RPS23: variants seen among roughly 807,000 people sequenced by gnomAD.
The protein encoded by RPS23 is ribosomal protein S23.
For missense variants in RPS23, 73 were observed against 174.5 expected (o/e 0.42, Z 3.28); for synonymous variants, 66 against 60.4 (o/e 1.09, Z -0.43).
At chr5:82,276,788 G>A (rs1177063473) in intron 2 of RPS23, 1 of 440,016 alleles carries the variant, frequency 2.3e-6, no homozygotes, top group Non-Finnish European at 4.0e-6. Flanking sequence ...GCTGACGTGG[G>A]AGGATCTATG....
At position 82,274,135 on chromosome 5, in the gene RPS23, T is replaced by C. The variant is rs531979022; in HGVS notation, c.*1974A>G. 1.4e-4 allele frequency: 22 copies of C among 152,348 alleles called. No individual in the cohort carries two copies. Among genetic ancestry groups the C allele is most frequent in the African/African-American group, 5.1e-4 (21 of 41,574 alleles). The allele number at this position is 152,348 out of a possible 1,614,324, so 9.4% of individuals were successfully genotyped here. A position where few individuals can be genotyped will look rare whatever the true frequency, so the allele number is the denominator to read the frequency against. ...AAGTCCACAACATTTATTGAAACTC[T>C]TCTTCCTCCATTGGTTTTAAGATAA... is the stretch of plus-strand genomic sequence containing the variant. On this transcript the variant is annotated 3_prime_UTR_variant, in exon 4 of 4. Transcript: ENST00000296674.
chr5:82,278,294 C>A lies in RPS23; in HGVS notation c.4+26G>T, dbSNP rs1049201654. On this transcript the variant is annotated intron_variant, in intron 1 of 3. Transcript: ENST00000296674. The stretch of plus-strand genomic sequence containing the variant: ...AAGACCCCAAGTCCCGCTTGCAGCG[C>A]CCTTAAACCGGCCACAACAGCTCAC... The A allele has an allele frequency of 8.1e-6, 13 of 1,608,422 alleles. No homozygotes were observed. The African/African-American group carries it at 1.3e-4, about 17-fold the overall frequency.
At position 82,275,598 on chromosome 5, in the gene RPS23, A is replaced by T. The variant is rs1290675064; in HGVS notation, c.*511T>A. 7.7e-6 allele frequency: 3 copies of T among 388,158 alleles called. No homozygotes were observed. The highest frequency in any genetic ancestry group is 1.4e-5 in the Non-Finnish European group (3 of 217,986). 24.0% of individuals were successfully genotyped at this position (388,158 alleles called of 1,614,324 possible). ...CCTGACACCTTTAAATAATAAACAG[A>T]GTGGGGAGCAATTTTGAGTTTACTA... On this transcript the variant is annotated 3_prime_UTR_variant, in exon 4 of 4. Coordinates refer to ENST00000296674, the MANE Select transcript of RPS23 (RefSeq NM_001025.5).
Position 82,275,209 on chromosome 5 carries a change from T to C in RPS23, c.*900A>G, listed in dbSNP as rs1202079579. 1.4e-6 allele frequency: 1 copy of C among 702,594 alleles called. No individual in the cohort carries two copies. Among genetic ancestry groups the C allele is most frequent in the South Asian group, 1.5e-5 (1 of 67,594 alleles). 43.5% of individuals were successfully genotyped at this position (702,594 alleles called of 1,614,324 possible). Reference sequence around the variant, plus strand: ...AAAGGGCTAATTAACCCATACTTACTATTTGTTAACAGGAGTTTCTTACAT... The same window carrying C: ...AAAGGGCTAATTAACCCATACTTACCATTTGTTAACAGGAGTTTCTTACAT... On this transcript the variant is annotated 3_prime_UTR_variant, in exon 4 of 4. Coordinates refer to ENST00000296674, the MANE Select transcript of RPS23 (RefSeq NM_001025.5).
intron 2 of RPS23, 52 bp downstream of exon 2, chr5:82,277,641 A>G: frequency 6.4e-7 from 1 of 1,551,982 alleles, no homozygotes; most frequent in East Asian, 2.2e-5. Context: ...TCGTAAGTTC[A>G]TGTCTCGAAT....
intron 3 of RPS23, 22 bp downstream of exon 3, chr5:82,276,376 A>G (rs374872562): frequency 6.2e-7 from 1 of 1,613,902 alleles, no homozygotes; most frequent in South Asian, 1.1e-5. Flanking sequence ...AACAGAAGGT[A>G]CGATAGAGTT....
chr5:82,273,904 G>GA lies in RPS23; in HGVS notation c.*2204dup, dbSNP rs1208114048. 1 of 152,142 alleles carries GA rather than the reference G, an allele frequency of 6.6e-6. No homozygotes were observed. The highest frequency in any genetic ancestry group is 1.5e-5 in the Non-Finnish European group (1 of 68,012). 9.4% of individuals were successfully genotyped at this position (152,142 alleles called of 1,614,324 possible). ...AGAGAAAAAGTTTTTTAATTTTAAT[G>GA]AAATCCACCAATTTATCTATTTTTT... On this transcript the variant is annotated 3_prime_UTR_variant, in exon 4 of 4. Coordinates refer to ENST00000296674, the MANE Select transcript of RPS23 (RefSeq NM_001025.5).
intron 2 of RPS23, chr5:82,276,824 G>A (rs1206259820): frequency 1.2e-5 from 3 of 255,806 alleles, no homozygotes; most frequent in Admixed American, 5.6e-5. Context: ...TGGCCAGCCT[G>A]TGTGACAAGG....
Position 82,276,169 on chromosome 5 carries a change from T to C in RPS23, c.372A>G (p.Lys124=). ...GGGCCAAAAGAGAAACATTGGCTAC[T>C]TTGACAACCTTAAAGCGGACTCCAG... The part of the protein sequence containing the change: ...DIPGVRFKVV[K]VANVSLLALY... The change falls in exon 4 of 4, where the codon AAA becomes AAG. Residue 124 remains lysine (K), a synonymous_variant. Transcript: ENST00000296674. 6.2e-7 allele frequency: 1 copy of C among 1,611,898 alleles called. No individual in the cohort carries two copies. Among genetic ancestry groups the C allele is most frequent in the Non-Finnish European group, 8.5e-7 (1 of 1,179,530 alleles).
chr5:82,278,082 T>C (rs1747981908), intron 1 of RPS23: 1 of 662,940 alleles, frequency 1.5e-6, no homozygotes, highest in African/African-American at 1.8e-5. Context: ...CCCGCTCGAA[T>C]GCCCGGGAGG....
At chr5:82,276,607 T>C (rs540783462) in intron 2 of RPS23, 89 bp from the exon 3 acceptor site, 646 of 1,516,766 alleles carry the variant, frequency 4.3e-4, no homozygotes, top group Non-Finnish European at 5.5e-4. Flanking sequence ...AGAAACTGTT[T>C]CTATCTTTTC....
At chr5:82,277,180 A>C (rs1191506863) in intron 2 of RPS23, among the ~76,000 whole-genome samples, 1 of 12,742 alleles carries the variant, frequency 7.8e-5, no homozygotes, top group Non-Finnish European at 1.4e-4. Context: ...GACTGTCTCA[A>C]AAAAAAAAAA....
intron 2 of RPS23, 152 bp downstream of exon 2, chr5:82,277,541 T>C (rs759812203): frequency 2.7e-4 from 213 of 803,398 alleles, no homozygotes; most frequent in Non-Finnish European, 4.0e-4. Context: ...TACCAACTTT[T>C]AAATAGAACA....
chr5:82,277,843 C>T lies in RPS23; in HGVS notation c.14G>A (p.Arg5His). 2 of 1,607,568 alleles carry T rather than the reference C, an allele frequency of 1.2e-6. No individual in the cohort carries two copies. Among genetic ancestry groups the T allele is most frequent in the South Asian group, 1.1e-5 (1 of 89,914 alleles). Residue 5 changes from arginine to histidine, a missense_variant, in exon 2 of 4, where the codon CGT (arginine) becomes CAT (histidine). Coordinates refer to ENST00000296674, the MANE Select transcript of RPS23 (RefSeq NM_001025.5). MGKC[R>H]GLRTARKLRS... ...GAGCTTCCTAGCAGTACGAAGTCCA[C>T]GACACTTGCCTAAAAATTAAATATT...
Position 82,275,180 on chromosome 5 carries a change from G to A in RPS23, c.*929C>T. 1 of 701,444 alleles carries A rather than the reference G, an allele frequency of 1.4e-6. No individual in the cohort carries two copies. Among genetic ancestry groups the A allele is most frequent in the Non-Finnish European group, 2.6e-6 (1 of 384,472 alleles). 43.5% of individuals were successfully genotyped at this position (701,444 alleles called of 1,614,324 possible). ...CCTAAACAATGTAAAGCTAGGCTTT[G>A]ATCAAAGGGCTAATTAACCCATACT... On this transcript the variant is annotated 3_prime_UTR_variant, in exon 4 of 4. Transcript: ENST00000296674.
chr5:82,276,566 T>C (rs767117814), intron 2 of RPS23, 48 bp from the exon 3 acceptor site: 1 of 1,607,442 alleles, frequency 6.2e-7, no homozygotes, highest in South Asian at 1.1e-5. Flanking sequence ...CTGAAAAAGA[T>C]TATCTTTTCA....
intron 3 of RPS23, 39 bp downstream of exon 3, chr5:82,276,359 C>A: frequency 6.2e-7 from 1 of 1,613,482 alleles, no homozygotes; most frequent in Non-Finnish European, 8.5e-7. Flanking sequence ...AGGGAGGCCA[C>A]CCCAAGAACA....
rs115865525 is a variant in RPS23 at position 82,275,629 on chromosome 5, C to G, written c.*480G>C. The G allele has an allele frequency of 5.6e-3, 1,856 of 332,358 alleles. 29 individuals carry two copies. Among genetic ancestry groups the G allele is most frequent in the African/African-American group, 0.036 (1,725 of 47,386 alleles). The allele number at this position is 332,358 out of a possible 1,614,324, so 20.6% of individuals were successfully genotyped here. ...GAGCAATTTTGAGTTTACTATTTAT[C>G]ATCTTGGGCCCCTGTAAGATGGATA... On this transcript the variant is annotated 3_prime_UTR_variant, in exon 4 of 4. Transcript: ENST00000296674.
In RPS23 at chr5:82,277,673, G is replaced by A. The variant is rs1036824718; in HGVS notation, c.164+20C>T. 16 of 1,611,682 alleles carry A rather than the reference G, an allele frequency of 9.9e-6. No homozygotes were observed. Among genetic ancestry groups the A allele is most frequent in the African/African-American group, 8.0e-5 (6 of 74,860 alleles). On this transcript the variant is annotated intron_variant, in intron 2 of 3. Coordinates refer to ENST00000296674, the MANE Select transcript of RPS23 (RefSeq NM_001025.5). The stretch of plus-strand genomic sequence containing the variant: ...GAATTCCTATAATAAACTAAAACTT[G>A]ACGGGAGCAATGGACTTACACTTTT...
Sources: allele counts gnomAD v4.1 joint callset (sites outside exome capture counted in the v4.1 genomes callset), GRCh38; gene constraint gnomAD v4.1.1; transcripts MANE v1.5; gene names NCBI Gene and HGNC (gene_info 2026-07-23, HGNC 2026-07-21).